The following MAP7D2 variants were observed in gnomAD, a reference collection of about 807,000 sequenced individuals.
The protein encoded by MAP7D2 is MAP7 domain containing 2, also known as MAP7 domain-containing protein 2.
MAP7D2 carries 33 observed loss-of-function variants against 63.5 expected under a neutral mutation model. The ratio of observed to expected loss-of-function variants is 0.52; its 90% CI spans 0.39 to 0.70. The LOEUF (loss-of-function observed/expected upper bound fraction) is 0.70. MAP7D2 is among the 30% of genes least tolerant of loss of function. The pLI, the probability that MAP7D2 is intolerant of heterozygous loss-of-function variation, is 0.00. For synonymous variants in MAP7D2, 224 were observed against 223.7 expected, an observed-to-expected ratio of 1.00 and a Z score of -0.01; for missense variants, 626 against 604.0, an observed-to-expected ratio of 1.04 and a Z score of -0.38.
intron 8 of MAP7D2, among the ~76,000 whole-genome samples, chrX:20,036,289 T>C (rs1001463005): frequency 9.1e-6 from 1 of 110,487 alleles, no homozygotes. Context: ...CACTGTTGCC[T>C]GGGCTGGAAG....
intron 4 of MAP7D2, among the ~76,000 whole-genome samples, chrX:20,056,307 C>T (rs915235597): frequency 3.6e-5 from 4 of 111,804 alleles, no homozygotes; most frequent in African/African-American, 9.8e-5. Flanking sequence ...CTGTGCTTTT[C>T]CTGATCGCAT....
chrX:20,088,443 C>G (rs2065972205), intron 1 of MAP7D2, among the ~76,000 whole-genome samples: 1 of 100,900 alleles, frequency 9.9e-6, no homozygotes, highest in Non-Finnish European at 2.0e-5. Context: ...TACAGGTGTA[C>G]CCCACCACAC....
intron 6 of MAP7D2, chrX:20,049,948 A>T (rs763893250): frequency 5.6e-5 from 16 of 283,748 alleles, no homozygotes; most frequent in South Asian, 5.6e-4. Flanking sequence ...GATGTTGAGC[A>T]TCTTATGAAC....
Position 20,050,916 on chromosome X carries a change from G to T in MAP7D2, c.626C>A (p.Ala209Asp), listed in dbSNP as rs779833140. ...TGTCAACAGTCGCGAAACAAGAATG[G>T]CTTCCATTGGACTAAGGTGCATGTG... ...AHHMHLSPME[A>D]ILVSRLLTPT... The change falls in exon 6 of 17, where the codon GCC becomes GAC. Residue 209 changes from alanine (A) to aspartate (D), a missense_variant. By Grantham distance (126) the Ala-to-Asp change is moderately radical. Coordinates refer to ENST00000379643, the MANE Select transcript of MAP7D2 (RefSeq NM_001168465.2). The T allele has an allele frequency of 8.6e-7, 1 of 1,169,364 alleles. No homozygotes were observed. The highest frequency in any genetic ancestry group is 2.6e-5 in the Admixed American group (1 of 38,719).
chrX:20,087,788 G>A (rs1427546870), intron 1 of MAP7D2, among the ~76,000 whole-genome samples: 1 of 110,112 alleles, frequency 9.1e-6, no homozygotes. Flanking sequence ...CAAATAGCAG[G>A]TCCAGGCTTA....
At chrX:20,114,140 C>T (rs2066825813) in intron 1 of MAP7D2, among the ~76,000 whole-genome samples, 1 of 112,116 alleles carries the variant, frequency 8.9e-6, no homozygotes, top group Non-Finnish European at 1.9e-5. Flanking sequence ...TTCAAGCGAT[C>T]CTATGCCTCA....
In MAP7D2 at chrX:20,013,059, T is replaced by G; in HGVS notation, c.1880A>C (p.Lys627Thr). 8.3e-7 allele frequency: 1 copy of G among 1,209,360 alleles called. No homozygotes were observed. The highest frequency in any genetic ancestry group is 1.8e-5 in the South Asian group (1 of 56,740). ...GAACCAGATGTCACACTCACCCATT[T>G]TGTTGGGGACAACCAGTTTTGTCTT... ...EKKTKLVVPN[K>T]MEINGLNTCQ... Residue 627 changes from lysine to threonine, a missense_variant, in exon 14 of 17, where the codon AAA becomes ACA. By Grantham distance (78) the Lys-to-Thr change is moderately conservative. Transcript: ENST00000379643.
intron 3 of MAP7D2, among the ~76,000 whole-genome samples, chrX:20,062,224 C>T (rs1239905410): frequency 8.9e-6 from 1 of 112,004 alleles, no homozygotes; most frequent in Admixed American, 9.5e-5. Flanking sequence ...CTGTTTTGGG[C>T]TAAGGAGACA....
intron 1 of MAP7D2, among the ~76,000 whole-genome samples, chrX:20,105,503 C>T (rs1402008503): frequency 1.8e-5 from 2 of 111,822 alleles, no homozygotes; most frequent in South Asian, 7.6e-4. Context: ...CACATCAAAC[C>T]TAGAAAGATG....
At chrX:20,102,404 A>T (rs1044672419) in intron 1 of MAP7D2, among the ~76,000 whole-genome samples, 13 of 110,743 alleles carry the variant, frequency 1.2e-4, no homozygotes, top group Admixed American at 9.7e-4. Flanking sequence ...AGGTGAAGAG[A>T]ACAGCATGTA....
At chrX:20,097,334 T>G (rs1197467969) in intron 1 of MAP7D2, among the ~76,000 whole-genome samples, 1 of 111,850 alleles carries the variant, frequency 8.9e-6, no homozygotes, top group Non-Finnish European at 1.9e-5. Context: ...CTCCAGACAG[T>G]CAGATGACCT....
At chrX:20,097,112 A>ATATC (rs1221249003) in intron 1 of MAP7D2, among the ~76,000 whole-genome samples, 2 of 111,866 alleles carry the variant, frequency 1.8e-5, no homozygotes, top group Admixed American at 9.5e-5. Context: ...GAAGTGTTCT[A>ATATC]TATCTGTGCC....
At chrX:20,042,763 C>A in intron 7 of MAP7D2, 134 bp from the exon 8 acceptor site, 1 of 786,651 alleles carries the variant, frequency 1.3e-6, no homozygotes, top group Non-Finnish European at 1.8e-6. Flanking sequence ...CTTCACATGA[C>A]AGGCATCTTT....
At chrX:20,060,414 AAAAGAG>A (rs2065180395) in intron 3 of MAP7D2, among the ~76,000 whole-genome samples, 1 of 96,810 alleles carries the variant, frequency 1.0e-5, no homozygotes, top group African/African-American at 3.9e-5. Context: ...AAAAGAAAAG[AAAAGAG>A]AGAGAGAGAG....
chrX:20,042,485 A>G lies in MAP7D2; in HGVS notation c.1007+17T>C. ...TCATGACAGTCAGACTGTCTGGCAA[A>G]GGGGAGAGATGCTTACTTGGATATC... On this transcript the variant is annotated intron_variant, in intron 8 of 16. Transcript: ENST00000379643. The G allele has an allele frequency of 8.3e-7, 1 of 1,209,777 alleles. No individual in the cohort carries two copies. The highest frequency in any genetic ancestry group is 1.1e-6 in the Non-Finnish European group (1 of 894,029).
rs1032802122 is a variant in MAP7D2, at chrX:20,008,303, A to T, written c.*122T>A. On this transcript the variant is annotated 3_prime_UTR_variant, in exon 17 of 17. Coordinates refer to ENST00000379643, the MANE Select transcript of MAP7D2 (RefSeq NM_001168465.2). ...AGGAATACAGTTACATTCCGAGCTA[A>T]TAATTTGGGATCCAGCGGTAAGGGT... is the stretch of plus-strand genomic sequence containing the variant. The T allele has an allele frequency of 1.8e-5, 2 of 112,177 alleles. No individual in the cohort carries two copies. The highest frequency in any genetic ancestry group is 3.8e-5 in the Non-Finnish European group (2 of 53,265). 9.2% of individuals were successfully genotyped at this position (112,177 alleles called of 1,213,427 possible).
chrX:20,088,120 C>T (rs1389011791), intron 1 of MAP7D2, among the ~76,000 whole-genome samples: 2 of 105,195 alleles, frequency 1.9e-5, no homozygotes, highest in African/African-American at 6.9e-5. Context: ...AGGCTGGCCT[C>T]GAACTTCTGA....
chrX:20,109,362 G>C (rs764039335), intron 1 of MAP7D2, among the ~76,000 whole-genome samples: 4 of 107,678 alleles, frequency 3.7e-5, no homozygotes, highest in African/African-American at 1.4e-4. Context: ...TTTACTAAAA[G>C]TACAAAAATT....
At chrX:20,104,552 C>T (rs951604214) in intron 1 of MAP7D2, among the ~76,000 whole-genome samples, 7 of 112,489 alleles carry the variant, frequency 6.2e-5, no homozygotes, top group Admixed American at 9.4e-5. Context: ...CCACCCCTCT[C>T]GGCCTCCCAA....
Sources: allele counts gnomAD v4.1 joint callset (sites outside exome capture counted in the v4.1 genomes callset), GRCh38; gene constraint gnomAD v4.1.1; transcripts MANE v1.5; gene names NCBI Gene and HGNC (gene_info 2026-07-23, HGNC 2026-07-21).